Variants in CFAP90 observed in about 807,000 individuals in gnomAD.
CFAP90 encodes cilia and flagella associated protein 90.
At chr5:7,835,598 G>C in the CFAP90 span, 1 of 696,678 alleles carries the variant, frequency 1.4e-6, no homozygotes, top group Non-Finnish European at 2.5e-6. Context: ...AGGGAGGCTG[G>C]AGGTGCATGT....
At chr5:7,845,107 G>GGAGA in the CFAP90 span, among the ~76,000 whole-genome samples, 1 of 151,756 alleles carries the variant, frequency 6.6e-6, no homozygotes, top group Non-Finnish European at 1.5e-5. Context: ...CCTGCTGGCA[G>GGAGA]GAGAGACAGA....
the CFAP90 span, among the ~76,000 whole-genome samples, chr5:7,848,782 T>C: frequency 3.3e-5 from 5 of 152,220 alleles, no homozygotes; most frequent in Non-Finnish European, 5.9e-5. Flanking sequence ...CAGGACCTGA[T>C]GGTTTTATAA....
chr5:7,839,827 T>C, the CFAP90 span, among the ~76,000 whole-genome samples: 1 of 152,148 alleles, frequency 6.6e-6, no homozygotes, highest in Admixed American at 6.5e-5. Context: ...TAAAAGTGAA[T>C]TTTTCTATCA....
chr5:7,837,387 T>G, the CFAP90 span, among the ~76,000 whole-genome samples: 2 of 152,194 alleles, frequency 1.3e-5, no homozygotes, highest in Non-Finnish European at 2.9e-5. Flanking sequence ...TCCATGGGAT[T>G]TGGGAGCATT....
chr5:7,844,299 G>A, the CFAP90 span, among the ~76,000 whole-genome samples: 2 of 152,088 alleles, frequency 1.3e-5, no homozygotes, highest in African/African-American at 4.8e-5. Context: ...ACGAGGACAG[G>A]GATAAGCAAA....
the CFAP90 span, among the ~76,000 whole-genome samples, chr5:7,839,654 C>T: frequency 1.3e-5 from 2 of 152,134 alleles, no homozygotes; most frequent in African/African-American, 4.8e-5. Flanking sequence ...TAAAAGTAAC[C>T]ACTATGAGCA....
At chr5:7,842,332 GA>G in the CFAP90 span, among the ~76,000 whole-genome samples, 2 of 150,476 alleles carry the variant, frequency 1.3e-5, no homozygotes, top group East Asian at 3.9e-4. Context: ...AAAAACAACA[GA>G]AAAAAATTAA....
the CFAP90 span, among the ~76,000 whole-genome samples, chr5:7,850,069 C>T: frequency 5.9e-5 from 9 of 152,200 alleles, no homozygotes; most frequent in Middle Eastern, 3.4e-3. Flanking sequence ...CGAAGAGCAC[C>T]GGGTCCTATC....
chr5:7,849,030 T>C, the CFAP90 span, among the ~76,000 whole-genome samples: 1 of 152,182 alleles, frequency 6.6e-6, no homozygotes, highest in Non-Finnish European at 1.5e-5. Flanking sequence ...TTTCCCCTTT[T>C]CTCAAAGACA....
the CFAP90 span, chr5:7,831,198 G>C: frequency 6.6e-6 from 1 of 152,186 alleles, no homozygotes; most frequent in Non-Finnish European, 1.5e-5. Context: ...CCCTCTCTCT[G>C]AGCAGTAATA....
chr5:7,837,453 G>C, the CFAP90 span, among the ~76,000 whole-genome samples: 2 of 152,166 alleles, frequency 1.3e-5, no homozygotes, highest in Non-Finnish European at 2.9e-5. Context: ...AGATAGTGAT[G>C]CTAGAATGAT....
At chr5:7,840,045 A>G in the CFAP90 span, among the ~76,000 whole-genome samples, 1 of 152,108 alleles carries the variant, frequency 6.6e-6, no homozygotes, top group East Asian at 1.9e-4. Flanking sequence ...TTTAGATGCT[A>G]TCACAAGACA....
chr5:7,838,310 A>G, the CFAP90 span, among the ~76,000 whole-genome samples: 2 of 123,836 alleles, frequency 1.6e-5, no homozygotes, highest in African/African-American at 6.6e-5. Flanking sequence ...ACATCTGCTT[A>G]TCAAATAAAA....
chr5:7,830,960 C>T, the CFAP90 span: 3 of 152,204 alleles, frequency 2.0e-5, no homozygotes, highest in Admixed American at 6.5e-5. Context: ...GATGACGGGG[C>T]ACTGGGTGGG....
At chr5:7,851,031 G>A in the CFAP90 span, 1 of 1,244,920 alleles carries the variant, frequency 8.0e-7, no homozygotes, top group Non-Finnish European at 1.0e-6. Flanking sequence ...TGCCGCCACC[G>A]TCCAGCGCCC....
At chr5:7,833,796 G>T in the CFAP90 span, among the ~76,000 whole-genome samples, 1 of 152,132 alleles carries the variant, frequency 6.6e-6, no homozygotes, top group African/African-American at 2.4e-5. Context: ...TGCTGTTTTT[G>T]CCATGAAAAT....
At chr5:7,845,674 T>C in the CFAP90 span, among the ~76,000 whole-genome samples, 1 of 152,174 alleles carries the variant, frequency 6.6e-6, no homozygotes. Flanking sequence ...AAAAAAGTAA[T>C]TGAAGAACAC....
the CFAP90 span, among the ~76,000 whole-genome samples, chr5:7,844,972 G>T: frequency 6.6e-6 from 1 of 152,184 alleles, no homozygotes; most frequent in Non-Finnish European, 1.5e-5. Context: ...ATAAAGAACT[G>T]CCTAGGACTG....
chr5:7,838,539 G>A, the CFAP90 span, among the ~76,000 whole-genome samples: 1 of 152,262 alleles, frequency 6.6e-6, no homozygotes, highest in Admixed American at 6.5e-5. Context: ...CCAGAGTAAA[G>A]ACATTGCCAC....
Sources: allele counts gnomAD v4.1 joint callset (sites outside exome capture counted in the v4.1 genomes callset), GRCh38; gene constraint gnomAD v4.1.1; transcripts MANE v1.5; gene names NCBI Gene and HGNC (gene_info 2026-07-23, HGNC 2026-07-21).